Variants in STX8 observed in about 807,000 individuals in gnomAD.
STX8 encodes syntaxin-8.
A neutral mutation model predicts 37.5 loss-of-function variants in STX8; 23 were observed. The ratio of observed to expected loss-of-function variants is 0.61; its 90% confidence interval spans 0.44 to 0.87. The LOEUF (loss-of-function observed/expected upper bound fraction) is 0.87. STX8 is among the 40% of genes least tolerant of loss of function. The pLI is 0.00. For synonymous variants in STX8, 115 were observed against 99.1 expected (o/e 1.16, Z -0.95); for missense variants, 313 against 284.7 (o/e 1.10, Z -0.71).
chr17:9,458,740 G>A lies in STX8; in HGVS notation c.541+33089C>T, dbSNP rs186921595. Among the ~76,000 whole-genome samples the A allele has an allele frequency of 2.6e-4, 40 of 152,240 alleles. 1 individual carries two copies. The highest frequency in any genetic ancestry group is 3.9e-4 in the Admixed American group (6 of 15,292). ...CAGATGACAGTGTCATATGATGAAC[G>A]AAGCTGAAGCCAAACAGCAGAGGCC... On this transcript the variant is annotated intron_variant, in intron 6 of 7. Coordinates refer to ENST00000306357, the MANE Select transcript of STX8 (RefSeq NM_004853.3).
At chr17:9,348,628 G>T (rs1169765042) in intron 7 of STX8, among the ~76,000 whole-genome samples, 1 of 152,142 alleles carries the variant, frequency 6.6e-6, no homozygotes, top group East Asian at 1.9e-4. Context: ...TGTGCTAGTT[G>T]CTGGGAATCA....
intron 6 of STX8, among the ~76,000 whole-genome samples, chr17:9,489,826 T>A (rs894537067): frequency 6.6e-6 from 1 of 151,722 alleles, no homozygotes; most frequent in African/African-American, 2.4e-5. Flanking sequence ...GTAGCTGGGA[T>A]TACACGCATA....
At chr17:9,530,433 T>C (rs1259543136) in intron 4 of STX8, among the ~76,000 whole-genome samples, 10 of 152,178 alleles carry the variant, frequency 6.6e-5, no homozygotes, top group Admixed American at 3.3e-4. Flanking sequence ...GATTGTACAA[T>C]TTACAGTCCC....
intron 7 of STX8, among the ~76,000 whole-genome samples, chr17:9,254,662 C>T (rs1906720231): frequency 6.6e-6 from 1 of 152,090 alleles, no homozygotes; most frequent in African/African-American, 2.4e-5. Flanking sequence ...TCCCAAAGTG[C>T]TGGGATTACA....
At chr17:9,391,035 T>C (rs529535085) in intron 6 of STX8, among the ~76,000 whole-genome samples, 1 of 152,266 alleles carries the variant, frequency 6.6e-6, no homozygotes, top group African/African-American at 2.4e-5. Context: ...GTTAAGTTTC[T>C]TGGATATGCT....
chr17:9,346,770 GTTC>G lies in STX8; in HGVS notation c.643+31779_643+31781del, dbSNP rs377289886. On this transcript the variant is annotated intron_variant, in intron 7 of 7. Coordinates refer to ENST00000306357, the MANE Select transcript of STX8 (RefSeq NM_004853.3). ...GTGGCTACACTGAATCTGGTCTGAT[GTTC>G]TTACCAGTTTTATGGCTGTACCAGT... Among the ~76,000 whole-genome samples the G allele has an allele frequency of 2.2e-3, 339 of 152,318 alleles. 2 individuals carry two copies. Among genetic ancestry groups the G allele is most frequent in the African/African-American group, 7.7e-3 (322 of 41,568 alleles).
intron 7 of STX8, among the ~76,000 whole-genome samples, chr17:9,319,843 C>T (rs965026010): frequency 2.6e-5 from 4 of 151,214 alleles, no homozygotes; most frequent in South Asian, 2.1e-4. Context: ...CCGAGCTACT[C>T]GGGAGGCTGA....
chr17:9,393,333 A>G (rs1354161482), intron 6 of STX8, among the ~76,000 whole-genome samples: 1 of 152,206 alleles, frequency 6.6e-6, no homozygotes, highest in Non-Finnish European at 1.5e-5. Flanking sequence ...CAACAGATCT[A>G]CTCTAAGAGA....
intron 2 of STX8, among the ~76,000 whole-genome samples, chr17:9,557,935 C>T (rs1907044936): frequency 1.3e-5 from 2 of 152,200 alleles, no homozygotes; most frequent in African/African-American, 4.8e-5. Flanking sequence ...GTTCTCTGAA[C>T]CAGGCTTCAA....
intron 4 of STX8, among the ~76,000 whole-genome samples, chr17:9,513,467 C>T (rs991636995): frequency 6.6e-6 from 1 of 152,162 alleles, no homozygotes; most frequent in Admixed American, 6.5e-5. Context: ...AAATCCAAAT[C>T]ACAATGAGGT....
chr17:9,511,526 G>GA (rs139171384), intron 4 of STX8, among the ~76,000 whole-genome samples: 5,358 of 152,022 alleles, frequency 0.035, 297 homozygotes, highest in African/African-American at 0.12. Flanking sequence ...AATAGATGCA[G>GA]AAAAAAATTT....
At chr17:9,500,390 G>A (rs1021032468) in intron 5 of STX8, among the ~76,000 whole-genome samples, 1 of 152,142 alleles carries the variant, frequency 6.6e-6, no homozygotes, top group Non-Finnish European at 1.5e-5. Context: ...AGACTGCCCC[G>A]GATTACTACC....
chr17:9,354,102 C>T (rs12952153), intron 7 of STX8, among the ~76,000 whole-genome samples: 30,370 of 151,976 alleles, frequency 0.2, 3,996 homozygotes, highest in African/African-American at 0.38. Context: ...AAATATTACA[C>T]AGTCACCTTC....
intron 6 of STX8, among the ~76,000 whole-genome samples, chr17:9,422,877 T>G (rs1001440250): frequency 9.9e-5 from 15 of 152,224 alleles, no homozygotes; most frequent in African/African-American, 3.6e-4. Flanking sequence ...AAGCGCTGTT[T>G]AGGGAAGAAA....
intron 2 of STX8, among the ~76,000 whole-genome samples, chr17:9,557,982 G>C (rs1005637821): frequency 1.3e-5 from 2 of 152,148 alleles, no homozygotes; most frequent in Non-Finnish European, 2.9e-5. Context: ...ATCCCCACCA[G>C]GCTCTCTGAA....
intron 7 of STX8, among the ~76,000 whole-genome samples, chr17:9,372,462 ATTATTT>A (rs954352248): frequency 1.3e-5 from 2 of 151,948 alleles, no homozygotes; most frequent in Admixed American, 1.3e-4. Context: ...GATTAAAAAA[ATTATTT>A]TTATTTTTAT....
intron 6 of STX8, among the ~76,000 whole-genome samples, chr17:9,379,260 A>G (rs925397328): frequency 9.9e-5 from 15 of 151,726 alleles, no homozygotes; most frequent in African/African-American, 2.9e-4. Flanking sequence ...AAAAAAAAAA[A>G]AAAGGAACAG....
In STX8 at chr17:9,354,815, CTA is replaced by C. The variant is rs1372744395; in HGVS notation, c.643+23735_643+23736del. On this transcript the variant is annotated intron_variant, in intron 7 of 7. Coordinates refer to ENST00000306357, the MANE Select transcript of STX8 (RefSeq NM_004853.3). ...TATTTTCCCTCTTAGCTCTAGCTCT[CTA>C]TTCTAGAACAGCTGTTCTCTTGGTC... Among the ~76,000 whole-genome samples the C allele has an allele frequency of 3.9e-5, 6 of 152,302 alleles. No individual in the cohort carries two copies. In the East Asian group the frequency reaches 1.2e-3, roughly 29 times the overall value.
Position 9,378,643 on chromosome 17 carries a change from G to A in STX8, c.552C>T (p.Asp184=), listed in dbSNP as rs372212039. 1.7e-5 allele frequency: 27 copies of A among 1,612,726 alleles called. No homozygotes were observed. The highest frequency in any genetic ancestry group is 4.5e-5 in the East Asian group (2 of 44,848). The part of the protein sequence containing the change: ...NELDEQNEII[D]DLANLVENTD... ...TGTTCTCCACTAGGTTGGCAAGGTC[G>A]TCAATTATCTCTAGAAAGGAAACAT... is the stretch of plus-strand genomic sequence containing the variant. Residue 184 remains aspartate, a synonymous_variant, in exon 7 of 8, where the codon GAC becomes GAT. Coordinates refer to ENST00000306357, the MANE Select transcript of STX8 (RefSeq NM_004853.3).
Sources: allele counts gnomAD v4.1 joint callset (sites outside exome capture counted in the v4.1 genomes callset), GRCh38; gene constraint gnomAD v4.1.1; transcripts MANE v1.5; gene names NCBI Gene and HGNC (gene_info 2026-07-23, HGNC 2026-07-21).